The following RIT2 variants were observed in gnomAD, a reference collection of about 807,000 sequenced individuals.
RIT2 encodes Ras like without CAAX 2.
In RIT2, 24 loss-of-function variants were observed where a neutral mutation model predicts 23.7. The ratio of observed to expected loss-of-function variants is 1.01; its 90% confidence interval spans 0.73 to 1.43. RIT2 has a LOEUF of 1.43. Among genes scored for constraint, RIT2 ranks in the 40% most tolerant of loss-of-function variants. The pLI is 0.00. For missense variants in RIT2, 236 were observed against 266.9 expected, an observed-to-expected ratio of 0.88 and a Z score of 0.81; for synonymous variants, 107 against 91.1, an observed-to-expected ratio of 1.17 and a Z score of -0.99.
At chr18:42,758,486 C>CCTT (rs1309062276) in intron 4 of RIT2, among the ~76,000 whole-genome samples, 2 of 8,802 alleles carry the variant, frequency 2.3e-4, no homozygotes, top group Non-Finnish European at 6.6e-4. Flanking sequence ...ACATTCTAAT[C>CCTT]CTTTTTTTTT....
Position 42,941,314 on chromosome 18 carries a change from T to C in RIT2, c.235-17551A>G, listed in dbSNP as rs142531909. 2.8e-3 allele frequency among the ~76,000 whole-genome samples: 433 copies of C among 152,206 alleles called. 3 individuals carry two copies. The highest frequency in any genetic ancestry group is 9.7e-3 in the African/African-American group (404 of 41,540). ...GTATGATTTGAGGAACACTAAAAGC[T>C]ATTCCCTTGCCTAGAAGTACTTTCC... On this transcript the variant is annotated intron_variant, in intron 3 of 4. Coordinates refer to ENST00000326695, the MANE Select transcript of RIT2 (RefSeq NM_002930.4).
At chr18:42,902,082 G>A (rs938549236) in intron 4 of RIT2, among the ~76,000 whole-genome samples, 1 of 151,304 alleles carries the variant, frequency 6.6e-6, no homozygotes, top group African/African-American at 2.4e-5. Context: ...TTCCCATAAA[G>A]GTCTGTTACT....
At chr18:42,940,551 T>G (rs1282394997) in intron 3 of RIT2, among the ~76,000 whole-genome samples, 5 of 151,702 alleles carry the variant, frequency 3.3e-5, no homozygotes, top group Admixed American at 6.6e-5. Context: ...TAAGTAAGAA[T>G]GTATTAGCAG....
intron 1 of RIT2, among the ~76,000 whole-genome samples, chr18:43,109,363 A>G (rs79938761): frequency 0.048 from 7,342 of 152,296 alleles, 226 homozygotes; most frequent in South Asian, 0.12. Context: ...AGTTAACTGA[A>G]GCATCTATTG....
chr18:42,842,226 A>T (rs1906786400), intron 4 of RIT2, among the ~76,000 whole-genome samples: 1 of 152,130 alleles, frequency 6.6e-6, no homozygotes, highest in Non-Finnish European at 1.5e-5. Flanking sequence ...TGATCCATTT[A>T]TATATCACTC....
At chr18:42,957,429 AT>A (rs1909997548) in intron 3 of RIT2, among the ~76,000 whole-genome samples, 1 of 152,174 alleles carries the variant, frequency 6.6e-6, no homozygotes, top group South Asian at 2.1e-4. Context: ...TTAACATATC[AT>A]TTCAAATTAC....
intron 4 of RIT2, among the ~76,000 whole-genome samples, chr18:42,817,967 T>A (rs1906044233): frequency 6.6e-6 from 1 of 151,998 alleles, no homozygotes; most frequent in African/African-American, 2.4e-5. Context: ...AATAATAATA[T>A]ACAGATTTAT....
chr18:42,812,328 G>C (rs529437189), intron 4 of RIT2, among the ~76,000 whole-genome samples: 2 of 152,224 alleles, frequency 1.3e-5, no homozygotes, highest in East Asian at 3.9e-4. Context: ...GTCTCTTAGT[G>C]AGGATCATGG....
chr18:43,105,206 C>T (rs1287191461), intron 1 of RIT2, among the ~76,000 whole-genome samples: 1 of 151,278 alleles, frequency 6.6e-6, no homozygotes, highest in Non-Finnish European at 1.5e-5. Flanking sequence ...ACTAAGGTAA[C>T]TAGTAAACTA....
chr18:42,963,464 T>TA (rs2042791655), intron 3 of RIT2, among the ~76,000 whole-genome samples: 1 of 152,216 alleles, frequency 6.6e-6, no homozygotes, highest in South Asian at 2.1e-4. Flanking sequence ...GAATCCCTCT[T>TA]ACTCTTTGAC....
At chr18:42,930,179 T>C (rs1909291522) in intron 3 of RIT2, among the ~76,000 whole-genome samples, 1 of 151,932 alleles carries the variant, frequency 6.6e-6, no homozygotes, top group Admixed American at 6.6e-5. Flanking sequence ...ACTCAGGAGA[T>C]TTTTGTCAGG....
In RIT2 at chr18:42,933,439, C is replaced by T. The variant is rs570430081; in HGVS notation, c.235-9676G>A. 3.9e-5 allele frequency among the ~76,000 whole-genome samples: 6 copies of T among 152,190 alleles called. No individual in the cohort carries two copies. In the East Asian group the frequency reaches 7.7e-4, roughly 20 times the overall value. Reference sequence around the variant, plus strand: ...TTTGGCTGTGTCCTGGACAAAATCTCATCTTAAATTGTAGTTCCCATAATT... The same window carrying T: ...TTTGGCTGTGTCCTGGACAAAATCTTATCTTAAATTGTAGTTCCCATAATT... On this transcript the variant is annotated intron_variant, in intron 3 of 4. Transcript: ENST00000326695.
chr18:42,812,542 T>C (rs1406521088), intron 4 of RIT2, among the ~76,000 whole-genome samples: 1 of 152,128 alleles, frequency 6.6e-6, no homozygotes, highest in Non-Finnish European at 1.5e-5. Context: ...CATGGTAATA[T>C]AGTAAAGTGA....
chr18:43,014,770 A>C (rs1911434030), intron 2 of RIT2, among the ~76,000 whole-genome samples: 1 of 151,696 alleles, frequency 6.6e-6, no homozygotes, highest in Admixed American at 6.6e-5. Context: ...AATTTTTAAA[A>C]CCATGAATAA....
chr18:43,067,350 G>A (rs1046620345), intron 1 of RIT2, among the ~76,000 whole-genome samples: 2 of 152,074 alleles, frequency 1.3e-5, no homozygotes, highest in Non-Finnish European at 2.9e-5. Flanking sequence ...ACCATGAGTG[G>A]CCATGCACAC....
At chr18:42,954,547 TATTCAAGACACAC>T (rs1440835753) in intron 3 of RIT2, among the ~76,000 whole-genome samples, 1 of 152,114 alleles carries the variant, frequency 6.6e-6, no homozygotes, top group East Asian at 1.9e-4. Flanking sequence ...TGTTCCTCCT[TATTCAAGACACAC>T]AGCCTCACAA....
At chr18:42,921,012 T>G (rs1389029657) in intron 4 of RIT2, among the ~76,000 whole-genome samples, 3 of 152,102 alleles carry the variant, frequency 2.0e-5, no homozygotes, top group Admixed American at 2.0e-4. Context: ...GAGTACAATA[T>G]GACAGTGTTT....
intron 4 of RIT2, among the ~76,000 whole-genome samples, chr18:42,899,227 A>G (rs533505): frequency 0.94 from 142,502 of 150,954 alleles, 67,276 homozygotes; most frequent in East Asian, 1. Context: ...GTCACATTTC[A>G]GTGGGCATAA....
rs760757977 is a variant in RIT2 at position 42,974,161 on chromosome 18, GACA to G, written c.161-17_161-15del. ...TATAAGCATCTTCTGAAAAACACAA[GACA>G]ACATTTACATTTAAATGTGACAGGA... On this transcript the variant is annotated splice_polypyrimidine_tract_variant and intron_variant, in intron 2 of 4. Transcript: ENST00000326695. The G allele has an allele frequency of 6.3e-7, 1 of 1,583,366 alleles. No individual in the cohort carries two copies. The highest frequency in any genetic ancestry group is 1.7e-5 in the Admixed American group (1 of 58,974).
Sources: gnomAD v4.1 joint callset for allele counts (sites outside exome capture counted in the v4.1 genomes callset) on GRCh38, gnomAD v4.1.1 for gene constraint, MANE v1.5 for transcripts, NCBI Gene and HGNC (gene_info 2026-07-23, HGNC 2026-07-21) for gene names.